PTPRS: variants seen among roughly 807,000 people sequenced by gnomAD.
The protein encoded by PTPRS is receptor-type tyrosine-protein phosphatase S.
In PTPRS, 63 loss-of-function variants were observed where a neutral mutation model predicts 215.3. The ratio of observed to expected loss-of-function variants is 0.29; its 90% confidence interval spans 0.24 to 0.36. The LOEUF (loss-of-function observed/expected upper bound fraction) is 0.36. Among genes scored for constraint, PTPRS ranks in the 10% least tolerant of loss-of-function variants. The pLI is 1.00. For missense variants in PTPRS, 2,258 were observed against 2,825.8 expected, an observed-to-expected ratio of 0.80 and a Z score of 4.56; for synonymous variants, 1,404 against 1,191.4, an observed-to-expected ratio of 1.18 and a Z score of -3.68.
In PTPRS at chr19:5,237,524, G is replaced by A. The variant is rs1599594972; in HGVS notation, c.1849+1395C>T. Among the ~76,000 whole-genome samples the A allele has an allele frequency of 6.6e-6, 1 of 152,354 alleles. No individual in the cohort carries two copies. The highest frequency in any genetic ancestry group is 1.5e-5 in the Non-Finnish European group (1 of 68,034). On this transcript the variant is annotated intron_variant, in intron 13 of 37. Transcript: ENST00000262963. The surrounding 1 kb of genome is among the most constrained non-coding windows in gnomAD (Gnocchi z 4.2). Reference sequence around the variant, plus strand: ...GGGAAGGGATGTGTGCAAAGACGTGGATGTGCGTGCGTGGGCAGCGTGGCA... The same window carrying A: ...GGGAAGGGATGTGTGCAAAGACGTGAATGTGCGTGCGTGGGCAGCGTGGCA...
rs138315625 is a variant in PTPRS, at chr19:5,272,753, G to A, written c.379+689C>T. ...CCGTTCATCCTTTATTTTTTGTAGA[G>A]ATGGGGTCTCGCTATGTTGCCCAGT... On this transcript the variant is annotated intron_variant, in intron 4 of 37. Coordinates refer to ENST00000262963, the MANE Select transcript of PTPRS (RefSeq NM_002850.4). Among the ~76,000 whole-genome samples the A allele has an allele frequency of 1.1e-3, 165 of 152,054 alleles. 1 individual carries two copies. Among genetic ancestry groups the A allele is most frequent in the African/African-American group, 3.8e-3 (158 of 41,480 alleles).
In PTPRS at chr19:5,231,574, G is replaced by A. The variant is rs779378586; in HGVS notation, c.1891C>T (p.Arg631Cys). Residue 631 changes from arginine to cysteine, a missense_variant, in exon 14 of 38, where the codon CGC becomes TGC. Transcript: ENST00000262963. ...CAACTTACCAAAATGGCCGTGGAGC[G>A]CACGCTGACACATTTAACGTCTTGA... ...PPQDVKCVSV[R>C]STAILVSWRP... The A allele has an allele frequency of 6.9e-6, 11 of 1,598,910 alleles. No individual in the cohort carries two copies. Among genetic ancestry groups the A allele is most frequent in the Admixed American group, 1.7e-5 (1 of 57,740 alleles).
At chr19:5,289,695 G>C (rs547155612) in intron 1 of PTPRS, among the ~76,000 whole-genome samples, 1 of 152,198 alleles carries the variant, frequency 6.6e-6, no homozygotes, top group African/African-American at 2.4e-5. Flanking sequence ...GGCCATTCCT[G>C]GATTTAATAT....
chr19:5,226,937 G>A (rs1313838995), intron 16 of PTPRS, among the ~76,000 whole-genome samples: 1 of 152,068 alleles, frequency 6.6e-6, no homozygotes, highest in Non-Finnish European at 1.5e-5. Context: ...GGGCTACTGG[G>A]CACCTCCCCG....
Position 5,293,649 on chromosome 19 carries a change from G to A in PTPRS, c.-94-7415C>T, listed in dbSNP as rs779054314. Among the ~76,000 whole-genome samples, 1 of 152,118 alleles carries A rather than the reference G, an allele frequency of 6.6e-6. No homozygotes were observed. Among genetic ancestry groups the A allele is most frequent in the East Asian group, 1.9e-4 (1 of 5,152 alleles). On this transcript the variant is annotated intron_variant, in intron 1 of 37. Transcript: ENST00000262963. This position sits in a 1 kb window ranked among gnomAD's most constrained non-coding sequence, Gnocchi z 8.4. ...CAAACACACCCAACTACAGGAGGTCGGAGAAGGGGCAGAGTTCCCCTCCCA... is the reference window on the plus strand; with the variant it reads ...CAAACACACCCAACTACAGGAGGTCAGAGAAGGGGCAGAGTTCCCCTCCCA...
At chr19:5,309,588 C>A (rs986756526) in intron 1 of PTPRS, among the ~76,000 whole-genome samples, 1 of 152,122 alleles carries the variant, frequency 6.6e-6, no homozygotes, top group Admixed American at 6.5e-5. Flanking sequence ...CCTCCGCAGG[C>A]GTCCTGCTAA....
chr19:5,312,146 A>G (rs909298194), intron 1 of PTPRS, among the ~76,000 whole-genome samples: 2 of 152,114 alleles, frequency 1.3e-5, no homozygotes, highest in African/African-American at 2.4e-5. Context: ...AGGAAAGCAA[A>G]AGAGAGAGAC....
At chr19:5,219,024 A>C (rs2041743951) in intron 23 of PTPRS, 2 of 630,692 alleles carry the variant, frequency 3.2e-6, no homozygotes, top group Admixed American at 3.0e-5. Context: ...GGGCCACTAC[A>C]ATTGCTATCC....
chr19:5,221,998 G>A (rs2042016797), intron 19 of PTPRS, 125 bp downstream of exon 19: 1 of 750,916 alleles, frequency 1.3e-6, no homozygotes, highest in Non-Finnish European at 2.3e-6. Context: ...AATCCTAGCT[G>A]AGACCCATCT....
chr19:5,331,764 G>A (rs974486843), intron 1 of PTPRS, among the ~76,000 whole-genome samples: 5 of 152,264 alleles, frequency 3.3e-5, no homozygotes, highest in East Asian at 1.9e-4. Flanking sequence ...TAGATAATTC[G>A]CAGCCCTGCC....
rs1054584920 is a variant in PTPRS, at chr19:5,210,086, C to T, written c.5487+383G>A. On this transcript the variant is annotated intron_variant, in intron 35 of 37. Transcript: ENST00000262963. This position sits in a 1 kb window ranked among gnomAD's most constrained non-coding sequence, Gnocchi z 4.5. ...TCCATACTCATCTCTCCTCACCCAA[C>T]GGTGCCAGTCCCCACCATCTGACTC... Among the ~76,000 whole-genome samples, 9 of 152,210 alleles carry T rather than the reference C, an allele frequency of 5.9e-5. No individual in the cohort carries two copies. In the South Asian group the frequency reaches 1.7e-3, roughly 28 times the overall value.
rs746737039 is a variant in PTPRS, at chr19:5,210,431, G to A, written c.5487+38C>T. 6.2e-7 allele frequency: 1 copy of A among 1,613,370 alleles called. No homozygotes were observed. Among genetic ancestry groups the A allele is most frequent in the Non-Finnish European group, 8.5e-7 (1 of 1,179,696 alleles). Reference sequence around the variant, plus strand: ...AGGGCAGCCCTTTCCAGATCACTAAGGCTCCAGCCCCTCCCGCCAGTCTGT... The same window carrying A: ...AGGGCAGCCCTTTCCAGATCACTAAAGCTCCAGCCCCTCCCGCCAGTCTGT... On this transcript the variant is annotated intron_variant, in intron 35 of 37. Coordinates refer to ENST00000262963, the MANE Select transcript of PTPRS (RefSeq NM_002850.4). The surrounding 1 kb of genome is among the most constrained non-coding windows in gnomAD (Gnocchi z 4.5).
intron 1 of PTPRS, among the ~76,000 whole-genome samples, chr19:5,330,076 CAAA>C (rs10690740): frequency 8.1e-5 from 6 of 74,434 alleles, no homozygotes; most frequent in Admixed American, 4.7e-4. Flanking sequence ...GACTCTGTCT[CAAA>C]AAAAAAAAAA....
At chr19:5,305,746 A>ATAT (rs2049462725) in intron 1 of PTPRS, among the ~76,000 whole-genome samples, 16 of 105,744 alleles carry the variant, frequency 1.5e-4, no homozygotes, top group African/African-American at 4.4e-4. Context: ...TAAATAAATA[A>ATAT]ATATATATAT....
rs777504731 is a variant in PTPRS, at chr19:5,273,590, T to C, written c.238-7A>G. 2 of 1,613,962 alleles carry C rather than the reference T, an allele frequency of 1.2e-6. No homozygotes were observed. Among genetic ancestry groups the C allele is most frequent in the Non-Finnish European group, 1.7e-6 (2 of 1,179,972 alleles). On this transcript the variant is annotated splice_polypyrimidine_tract_variant and splice_region_variant and intron_variant, in intron 3 of 37. Coordinates refer to ENST00000262963, the MANE Select transcript of PTPRS (RefSeq NM_002850.4). Reference sequence around the variant, plus strand: ...TCTCATCAAACTCAATCGTCTGCCATGGGCAGGGGAAAAAAGAACAGAGTG... The same window carrying C: ...TCTCATCAAACTCAATCGTCTGCCACGGGCAGGGGAAAAAAGAACAGAGTG...
chr19:5,252,563 T>G (rs1599711708), intron 9 of PTPRS, among the ~76,000 whole-genome samples: 8 of 95,878 alleles, frequency 8.3e-5, no homozygotes, highest in East Asian at 2.9e-4. Flanking sequence ...GGCAACACAG[T>G]GAGATTCTGT....
intron 1 of PTPRS, among the ~76,000 whole-genome samples, chr19:5,316,482 TC>T (rs2147188048): frequency 6.6e-6 from 1 of 152,222 alleles, no homozygotes; most frequent in Admixed American, 6.5e-5. Flanking sequence ...AACCTCGGCC[TC>T]CCGGGTTCAA....
At chr19:5,322,805 G>T (rs561915880) in intron 1 of PTPRS, among the ~76,000 whole-genome samples, 2 of 149,470 alleles carry the variant, frequency 1.3e-5, no homozygotes, top group East Asian at 3.9e-4. Context: ...CTTGAACCCG[G>T]GAGGTGGAGG....
chr19:5,208,520 C>A (rs774787840), intron 35 of PTPRS, 129 bp from the exon 36 acceptor site: 23 of 1,005,966 alleles, frequency 2.3e-5, no homozygotes, highest in Non-Finnish European at 3.0e-5. Flanking sequence ...TCACTCTTGT[C>A]GCCCAGGTTG....
Sources: gnomAD v4.1 joint callset for allele counts (sites outside exome capture counted in the v4.1 genomes callset) on GRCh38, gnomAD v4.1.1 for gene constraint, Gnocchi (gnomAD v3.1) non-coding constraint, MANE v1.5 for transcripts, NCBI Gene and HGNC (gene_info 2026-07-23, HGNC 2026-07-21) for gene names.